Variants in CREB5 observed in about 807,000 individuals in gnomAD.
CREB5 encodes the protein cyclic AMP-responsive element-binding protein 5.
CREB5 carries 19 observed loss-of-function variants against 57.1 expected under a neutral mutation model. That is an observed-to-expected ratio of 0.33 (90% CI 0.23 to 0.49). The LOEUF is 0.49. Ranked by LOEUF, CREB5 falls within the 20% of genes least tolerant of loss-of-function variation. The pLI is 0.99. For synonymous variants in CREB5, 238 were observed against 238.3 expected, an observed-to-expected ratio of 1.00 and a Z score of 0.01; for missense variants, 579 against 671.6, an observed-to-expected ratio of 0.86 and a Z score of 1.52.
intron 1 of CREB5, among the ~76,000 whole-genome samples, chr7:28,373,624 C>T (rs2127994464): frequency 6.6e-6 from 1 of 151,648 alleles, no homozygotes; most frequent in Admixed American, 6.6e-5. Context: ...TGAGATTTCA[C>T]CATGTTACCC....
At chr7:28,643,128 G>GAACTTGTAGGTCC (rs1269548892) in intron 5 of CREB5, among the ~76,000 whole-genome samples, 1 of 152,076 alleles carries the variant, frequency 6.6e-6, no homozygotes, top group African/African-American at 2.4e-5. Flanking sequence ...AGGGTTTGCA[G>GAACTTGTAGGTCC]TGGCACCTGC....
intron 1 of CREB5, among the ~76,000 whole-genome samples, chr7:28,386,751 C>T (rs544850920): frequency 6.6e-6 from 1 of 152,214 alleles, no homozygotes; most frequent in South Asian, 2.1e-4. Context: ...TGTTATCTTC[C>T]AGTTTCCCAA....
chr7:28,781,642 T>C (rs948854159), intron 7 of CREB5, among the ~76,000 whole-genome samples: 4 of 152,200 alleles, frequency 2.6e-5, no homozygotes, highest in African/African-American at 9.7e-5. Context: ...AATATTTCTC[T>C]CACTTTTAAA....
At chr7:28,415,756 T>G (rs1173949314) in intron 1 of CREB5, among the ~76,000 whole-genome samples, 1 of 152,114 alleles carries the variant, frequency 6.6e-6, no homozygotes. Context: ...ACTACCTGTC[T>G]TTTCTCTATT....
intron 5 of CREB5, among the ~76,000 whole-genome samples, chr7:28,586,456 T>G (rs1796310795): frequency 6.6e-6 from 1 of 152,222 alleles, no homozygotes; most frequent in Non-Finnish European, 1.5e-5. Flanking sequence ...AGGGTACCTG[T>G]CCCTGCCAGG....
intron 4 of CREB5, among the ~76,000 whole-genome samples, chr7:28,531,494 A>T (rs1793726617): frequency 6.6e-6 from 1 of 152,134 alleles, no homozygotes; most frequent in South Asian, 2.1e-4. Context: ...GACACCACTC[A>T]TGATAGATTG....
intron 1 of CREB5, among the ~76,000 whole-genome samples, chr7:28,376,565 T>C (rs1786833963): frequency 6.6e-6 from 1 of 152,192 alleles, no homozygotes; most frequent in African/African-American, 2.4e-5. Flanking sequence ...CCACCGCACC[T>C]GGCCAGAGAA....
At chr7:28,492,206 G>GCCAGGCTGGTCTCGAACT (rs1372589583) in intron 2 of CREB5, among the ~76,000 whole-genome samples, 7 of 152,138 alleles carry the variant, frequency 4.6e-5, no homozygotes, top group Non-Finnish European at 8.8e-5. Context: ...TGCCATGTTG[G>GCCAGGCTGGTCTCGAACT]CCAGGCTGGT....
intron 5 of CREB5, among the ~76,000 whole-genome samples, chr7:28,630,065 T>C (rs1187228953): frequency 6.6e-6 from 1 of 152,218 alleles, no homozygotes; most frequent in African/African-American, 2.4e-5. Context: ...TCTGTGAAAC[T>C]GTGGACTCAC....
intron 5 of CREB5, among the ~76,000 whole-genome samples, chr7:28,676,544 C>A (rs1283636839): frequency 1.3e-5 from 2 of 152,166 alleles, no homozygotes; most frequent in African/African-American, 4.8e-5. Flanking sequence ...GGCCCTTTCT[C>A]CTCTCAAGTG....
chr7:28,330,058 TC>T lies in CREB5; in HGVS notation c.-25+30621del, dbSNP rs559481487. ...TACTCTTGATGCCTGCAAGGTTAGG[TC>T]CCCTGAAGGGCGAGCGTGGCCCAAG... On this transcript the variant is annotated intron_variant, in intron 1 of 9. Coordinates refer to the CREB5 transcript ENST00000396299. Among the ~76,000 whole-genome samples, 677 of 152,312 alleles carry T rather than the reference TC, an allele frequency of 4.4e-3. 5 individuals are homozygous for T. The highest frequency in any genetic ancestry group is 6.5e-3 in the Non-Finnish European group (441 of 68,022).
Position 28,809,375 on chromosome 7 carries a change from G to C in CREB5, c.1215G>C (p.Lys405Asn). Residue 405 changes from lysine to asparagine, a missense_variant, in exon 9 of 11, where the codon AAG (lysine) becomes AAC (asparagine). Coordinates refer to ENST00000357727, the MANE Select transcript of CREB5 (RefSeq NM_182898.4). The part of the protein sequence containing the change: ...KRKVWVMSLE[K>N]KAEELTQTNM... ...AGGTCTGGGTGATGTCATTGGAAAA[G>C]AAAGCAGAAGAACTCACCCAGACAA... 1 of 1,614,040 alleles carries C rather than the reference G, an allele frequency of 6.2e-7. No individual in the cohort carries two copies. The highest frequency in any genetic ancestry group is 8.5e-7 in the Non-Finnish European group (1 of 1,180,010).
At chr7:28,674,754 A>G (rs1425177766) in intron 5 of CREB5, among the ~76,000 whole-genome samples, 3 of 152,212 alleles carry the variant, frequency 2.0e-5, no homozygotes, top group Non-Finnish European at 4.4e-5. Context: ...CCTGTTGTCC[A>G]ATCTCGAATT....
chr7:28,628,009 A>G (rs1011737510), intron 5 of CREB5, among the ~76,000 whole-genome samples: 4 of 152,056 alleles, frequency 2.6e-5, no homozygotes, highest in East Asian at 1.9e-4. Flanking sequence ...TCTACCCACT[A>G]TCACGCAGCA....
intron 1 of CREB5, among the ~76,000 whole-genome samples, chr7:28,457,663 G>A (rs1204761257): frequency 2.6e-5 from 4 of 152,180 alleles, no homozygotes; most frequent in Non-Finnish European, 5.9e-5. Flanking sequence ...GTAGGAGACT[G>A]GCTTTCAGAC....
At chr7:28,781,479 A>T (rs2128783817) in intron 7 of CREB5, among the ~76,000 whole-genome samples, 1 of 152,362 alleles carries the variant, frequency 6.6e-6, no homozygotes, top group African/African-American at 2.4e-5. Flanking sequence ...GTGTTCAGTC[A>T]TAAGAACCTT....
chr7:28,398,104 T>C (rs1787375947), intron 1 of CREB5, among the ~76,000 whole-genome samples: 2 of 152,142 alleles, frequency 1.3e-5, no homozygotes, highest in Non-Finnish European at 2.9e-5. Context: ...AACTCCTCAT[T>C]TCCCCTTCCT....
intron 4 of CREB5, among the ~76,000 whole-genome samples, chr7:28,542,202 A>G (rs1049627277): frequency 6.6e-6 from 1 of 152,196 alleles, no homozygotes; most frequent in African/African-American, 2.4e-5. Flanking sequence ...TTTATGGGCA[A>G]TTGAGGCACA....
chr7:28,514,507 T>C (rs1015700595), intron 4 of CREB5, among the ~76,000 whole-genome samples: 1 of 152,226 alleles, frequency 6.6e-6, no homozygotes, highest in South Asian at 2.1e-4. Flanking sequence ...GCCATTCTCC[T>C]GCCTCAGCCT....
Sources: gnomAD v4.1 joint callset for allele counts (sites outside exome capture counted in the v4.1 genomes callset) on GRCh38, gnomAD v4.1.1 for gene constraint, MANE v1.5 for transcripts, NCBI Gene and HGNC (gene_info 2026-07-23, HGNC 2026-07-21) for gene names.